FILIP1: variants seen among roughly 807,000 people sequenced by gnomAD.
FILIP1 encodes filamin-A-interacting protein 1.
In FILIP1, 61 loss-of-function variants were observed where a neutral mutation model predicts 102.1. That is an observed-to-expected ratio of 0.60 (90% CI 0.49 to 0.74). FILIP1 has a LOEUF of 0.74. FILIP1 is among the 30% of genes least tolerant of loss of function. The pLI is 0.00. For missense variants in FILIP1, 1,314 were observed against 1,441.2 expected, an observed-to-expected ratio of 0.91 and a Z score of 1.43; for synonymous variants, 491 against 526.9, an observed-to-expected ratio of 0.93 and a Z score of 0.93.
At chr6:75,482,644 C>G (rs77036669) in intron 1 of FILIP1, among the ~76,000 whole-genome samples, 2 of 152,190 alleles carry the variant, frequency 1.3e-5, no homozygotes, top group African/African-American at 4.8e-5. Flanking sequence ...TTCTGTGATA[C>G]TCTAGTGAAC....
chr6:75,299,429 A>C (rs756160468), intron 6 of FILIP1, among the ~76,000 whole-genome samples: 10 of 152,224 alleles, frequency 6.6e-5, no homozygotes, highest in African/African-American at 9.7e-5. Context: ...CACCTCTGTC[A>C]GCAAACTCAA....
At chr6:75,347,460 T>C (rs942649433) in intron 4 of FILIP1, among the ~76,000 whole-genome samples, 1 of 152,212 alleles carries the variant, frequency 6.6e-6, no homozygotes, top group Admixed American at 6.5e-5. Flanking sequence ...TACTTTCTGC[T>C]TGTTAAGACT....
intron 4 of FILIP1, among the ~76,000 whole-genome samples, chr6:75,336,774 C>T (rs1450648686): frequency 6.6e-6 from 1 of 152,060 alleles, no homozygotes; most frequent in Non-Finnish European, 1.5e-5. Context: ...TACCACTAAA[C>T]GACTACATTC....
At chr6:75,359,963 G>A (rs1181545808) in intron 3 of FILIP1, among the ~76,000 whole-genome samples, 1 of 152,154 alleles carries the variant, frequency 6.6e-6, no homozygotes, top group Non-Finnish European at 1.5e-5. Flanking sequence ...CACTGAGGAG[G>A]TCACCACTGC....
At chr6:75,421,406 C>A (rs1350288217) in intron 1 of FILIP1, among the ~76,000 whole-genome samples, 2 of 152,140 alleles carry the variant, frequency 1.3e-5, no homozygotes, top group African/African-American at 4.8e-5. Flanking sequence ...ACAGGGTAAC[C>A]AGGACACAGG....
At chr6:75,310,942 A>G (rs1279791725) in intron 5 of FILIP1, among the ~76,000 whole-genome samples, 1 of 152,220 alleles carries the variant, frequency 6.6e-6, no homozygotes, top group Non-Finnish European at 1.5e-5. Flanking sequence ...AAATCATATT[A>G]AGAATATAGG....
At chr6:75,408,891 T>C (rs1255770871) in intron 2 of FILIP1, among the ~76,000 whole-genome samples, 1 of 152,184 alleles carries the variant, frequency 6.6e-6, no homozygotes, top group East Asian at 1.9e-4. Flanking sequence ...GAGTAGTGAA[T>C]ATGAAGCCCC....
At chr6:75,445,527 A>G (rs1582519229) in intron 1 of FILIP1, among the ~76,000 whole-genome samples, 1 of 151,812 alleles carries the variant, frequency 6.6e-6, no homozygotes, top group South Asian at 2.1e-4. Context: ...TTCTTTTCTT[A>G]CTCTCCTTGA....
chr6:75,410,284 C>G (rs887424719), intron 2 of FILIP1, among the ~76,000 whole-genome samples: 1 of 152,134 alleles, frequency 6.6e-6, no homozygotes, highest in African/African-American at 2.4e-5. Context: ...AGTAACTTAT[C>G]TCATAAGGCA....
At chr6:75,436,092 G>C (rs530001927) in intron 1 of FILIP1, among the ~76,000 whole-genome samples, 1 of 152,272 alleles carries the variant, frequency 6.6e-6, no homozygotes, top group South Asian at 2.1e-4. Flanking sequence ...CTGCTGCAAG[G>C]CTGGGTACAG....
rs1272964128 is a variant in FILIP1 at position 75,414,709 on chromosome 6, T to C, written c.264A>G (p.Glu88=). The part of the protein sequence containing the change: ...EDLIQLLSIM[E]GELQAREDVI... Reference sequence around the variant, plus strand: ...AGTTTGACTCTACCTGCAACTCCCCTTCCATTATACTGAGTAGTTGGATGA... The same window carrying C: ...AGTTTGACTCTACCTGCAACTCCCCCTCCATTATACTGAGTAGTTGGATGA... Residue 88 remains glutamate, a synonymous_variant, in exon 2 of 6, where the codon GAA becomes GAG. Transcript: ENST00000237172. 1.2e-6 allele frequency: 2 copies of C among 1,611,408 alleles called. No homozygotes were observed. The highest frequency in any genetic ancestry group is 1.3e-5 in the African/African-American group (1 of 74,708).
At chr6:75,366,497 G>A (rs1775341162) in intron 2 of FILIP1, among the ~76,000 whole-genome samples, 2 of 152,186 alleles carry the variant, frequency 1.3e-5, no homozygotes. Context: ...TCTCAGCTAA[G>A]TTGTTTGATT....
At chr6:75,412,695 T>G (rs1185910644) in intron 2 of FILIP1, among the ~76,000 whole-genome samples, 1 of 152,198 alleles carries the variant, frequency 6.6e-6, no homozygotes, top group Non-Finnish European at 1.5e-5. Context: ...ATATAGGAGC[T>G]TTCTCATTTT....
chr6:75,385,062 G>C (rs999118567), intron 2 of FILIP1: 3 of 148,964 alleles, frequency 2.0e-5, no homozygotes, highest in African/African-American at 7.5e-5. Flanking sequence ...GCCTCCCAAA[G>C]TACTGGGATT....
At chr6:75,394,959 G>T (rs1176346210) in intron 2 of FILIP1, among the ~76,000 whole-genome samples, 1 of 152,054 alleles carries the variant, frequency 6.6e-6, no homozygotes, top group Admixed American at 6.6e-5. Context: ...TATATTAATG[G>T]AGCATTGATT....
chr6:75,334,586 C>T (rs556633471), intron 4 of FILIP1: 5 of 152,138 alleles, frequency 3.3e-5, no homozygotes, highest in African/African-American at 7.2e-5. Context: ...AAATGAAATG[C>T]GCATGGACAA....
chr6:75,310,391 A>G (rs1461954062), intron 5 of FILIP1, among the ~76,000 whole-genome samples: 1 of 152,246 alleles, frequency 6.6e-6, no homozygotes, highest in Non-Finnish European at 1.5e-5. Flanking sequence ...GCCCATGCCT[A>G]AAGTGTAGCT....
At chr6:75,323,137 A>G (rs908013292) in intron 4 of FILIP1, among the ~76,000 whole-genome samples, 1 of 152,162 alleles carries the variant, frequency 6.6e-6, no homozygotes, top group Non-Finnish European at 1.5e-5. Context: ...AAAACTCTTT[A>G]TTAATGTGAT....
At chr6:75,388,168 G>T (rs1184841058) in intron 2 of FILIP1, among the ~76,000 whole-genome samples, 1 of 152,084 alleles carries the variant, frequency 6.6e-6, no homozygotes, top group Non-Finnish European at 1.5e-5. Flanking sequence ...GTTTTTATCA[G>T]GTTTGTCAAA....
Sources: gnomAD v4.1 joint callset for allele counts (sites outside exome capture counted in the v4.1 genomes callset) on GRCh38, gnomAD v4.1.1 for gene constraint, MANE v1.5 for transcripts, NCBI Gene and HGNC (gene_info 2026-07-23, HGNC 2026-07-21) for gene names.